Variants in NELL1 observed in about 807,000 individuals in gnomAD.
NELL1 encodes protein kinase C-binding protein NELL1.
A neutral mutation model predicts 107.4 loss-of-function variants in NELL1; 76 were observed. The observed-to-expected ratio is 0.71, with a 90% CI of 0.59 to 0.86. NELL1 has a LOEUF of 0.86. Ranked by LOEUF, NELL1 falls within the 40% of genes least tolerant of loss-of-function variation. NELL1 has a pLI of 0.00. For synonymous variants in NELL1, 353 were observed against 341.2 expected (o/e 1.03, Z -0.38); for missense variants, 1,024 against 1,005.5 (o/e 1.02, Z -0.25).
chr11:21,197,771 C>A (rs934836325), intron 13 of NELL1, among the ~76,000 whole-genome samples: 6 of 152,142 alleles, frequency 3.9e-5, no homozygotes, highest in Non-Finnish European at 7.3e-5. Context: ...GAGGAACAAA[C>A]AGAGAGTCTT....
Position 21,575,377 on chromosome 11 carries a change from T to C in NELL1, c.*355T>C. 5.3e-6 allele frequency: 1 copy of C among 187,216 alleles called. No individual in the cohort carries two copies. The highest frequency in any genetic ancestry group is 5.7e-5 in the Admixed American group (1 of 17,484). 11.6% of individuals were successfully genotyped at this position (187,216 alleles called of 1,614,324 possible). ...TTTTGGTTTATTTTGTGTACTAACA[T>C]AATAGAGAGAGACTCAGCTCCTTTT... On this transcript the variant is annotated 3_prime_UTR_variant, in exon 20 of 20. Transcript: ENST00000357134.
At position 20,695,024 on chromosome 11, in the gene NELL1, G is replaced by C. The variant is rs942246888; in HGVS notation, c.184+16964G>C. 2.0e-5 allele frequency among the ~76,000 whole-genome samples: 3 copies of C among 151,940 alleles called. No individual in the cohort carries two copies. The East Asian group carries it at 5.8e-4, about 29-fold the overall frequency. ...AGCTTTCACCTCCATTGTTAGGTGT[G>C]TTTCTAGGTATTTTATTTTTTTGTG... On this transcript the variant is annotated intron_variant, in intron 2 of 19. Coordinates refer to ENST00000357134, the MANE Select transcript of NELL1 (RefSeq NM_006157.5).
intron 15 of NELL1, among the ~76,000 whole-genome samples, chr11:21,455,648 T>TTTTG (rs1853709367): frequency 6.6e-6 from 1 of 152,134 alleles, no homozygotes; most frequent in Non-Finnish European, 1.5e-5. Flanking sequence ...TTTGAGATTA[T>TTTTG]TTTGTTAATC....
chr11:20,976,818 C>T (rs1193427938), intron 12 of NELL1, among the ~76,000 whole-genome samples: 1 of 152,098 alleles, frequency 6.6e-6, no homozygotes, highest in Non-Finnish European at 1.5e-5. Flanking sequence ...CTAAAAATCT[C>T]TGTATATTTA....
intron 12 of NELL1, among the ~76,000 whole-genome samples, chr11:21,042,981 T>C (rs1853272006): frequency 1.3e-5 from 2 of 152,128 alleles, no homozygotes; most frequent in South Asian, 2.1e-4. Flanking sequence ...CAATTGCAGA[T>C]CTGTACATTG....
intron 3 of NELL1, among the ~76,000 whole-genome samples, chr11:20,792,699 T>G (rs957002970): frequency 6.6e-6 from 1 of 152,010 alleles, no homozygotes; most frequent in Non-Finnish European, 1.5e-5. Flanking sequence ...TCTGAAATCC[T>G]TGAATAAACT....
chr11:21,129,190 G>A (rs1855558118), intron 13 of NELL1, among the ~76,000 whole-genome samples: 1 of 151,968 alleles, frequency 6.6e-6, no homozygotes, highest in African/African-American at 2.4e-5. Context: ...TGTTATTTAT[G>A]GGTGAATCTA....
chr11:21,313,813 C>T (rs1481554114), intron 14 of NELL1, among the ~76,000 whole-genome samples: 1 of 152,072 alleles, frequency 6.6e-6, no homozygotes, highest in Non-Finnish European at 1.5e-5. Flanking sequence ...ATATATTCCC[C>T]TCCAAATCTC....
intron 3 of NELL1, among the ~76,000 whole-genome samples, chr11:20,797,438 C>T (rs577886001): frequency 1.3e-4 from 20 of 151,786 alleles, no homozygotes; most frequent in African/African-American, 4.1e-4. Context: ...TGGTGGCGGG[C>T]GCCTGTAGTC....
intron 14 of NELL1, among the ~76,000 whole-genome samples, chr11:21,320,954 T>A (rs777637192): frequency 6.6e-6 from 1 of 152,220 alleles, no homozygotes; most frequent in Non-Finnish European, 1.5e-5. Flanking sequence ...ATTGCACATT[T>A]CCATATGCAA....
At chr11:20,700,129 A>C (rs1029407417) in intron 2 of NELL1, among the ~76,000 whole-genome samples, 61 of 145,688 alleles carry the variant, frequency 4.2e-4, no homozygotes, top group African/African-American at 1.4e-3. Context: ...TTTTAGAAAA[A>C]ACAAAAACAA....
intron 14 of NELL1, among the ~76,000 whole-genome samples, chr11:21,329,356 A>G (rs1437654401): frequency 2.0e-5 from 3 of 152,084 alleles, no homozygotes; most frequent in African/African-American, 7.2e-5. Context: ...CCCTTCCACC[A>G]TGGTTGTAAG....
chr11:21,487,748 A>G (rs892588554), intron 15 of NELL1, among the ~76,000 whole-genome samples: 8 of 152,190 alleles, frequency 5.3e-5, no homozygotes, highest in African/African-American at 1.9e-4. Context: ...ATGGATTTTA[A>G]AAAGCTATAA....
At chr11:21,354,025 T>C (rs934804152) in intron 14 of NELL1, among the ~76,000 whole-genome samples, 2 of 152,210 alleles carry the variant, frequency 1.3e-5, no homozygotes, top group African/African-American at 4.8e-5. Flanking sequence ...GCTGGACCTG[T>C]GGTTACATTA....
chr11:21,268,713 C>T (rs1003138670), intron 14 of NELL1, among the ~76,000 whole-genome samples: 4 of 152,136 alleles, frequency 2.6e-5, no homozygotes, highest in Non-Finnish European at 4.4e-5. Context: ...TTATTACAGT[C>T]CCTTTTACAT....
intron 14 of NELL1, among the ~76,000 whole-genome samples, chr11:21,345,327 C>T (rs1477452063): frequency 6.6e-6 from 1 of 152,210 alleles, no homozygotes. Context: ...CAATGTCACA[C>T]ACAAAATGAG....
chr11:20,786,350 CAA>C (rs112874692), intron 3 of NELL1, among the ~76,000 whole-genome samples: 1 of 125,392 alleles, frequency 8.0e-6, no homozygotes, highest in Non-Finnish European at 1.7e-5. Flanking sequence ...AACCCCATCT[CAA>C]AAAAAAAAAG....
At chr11:20,862,580 G>T (rs1848997387) in intron 4 of NELL1, among the ~76,000 whole-genome samples, 1 of 139,222 alleles carries the variant, frequency 7.2e-6, no homozygotes, top group Non-Finnish European at 1.5e-5. Flanking sequence ...TAGTTTCACT[G>T]CCCTAAAAAT....
chr11:21,366,716 A>T (rs980111934), intron 14 of NELL1, among the ~76,000 whole-genome samples: 1 of 152,098 alleles, frequency 6.6e-6, no homozygotes, highest in Non-Finnish European at 1.5e-5. Flanking sequence ...AATTAGCTTC[A>T]GGAAAATGCT....
Sources: allele counts gnomAD v4.1 joint callset (sites outside exome capture counted in the v4.1 genomes callset), GRCh38; gene constraint gnomAD v4.1.1; transcripts MANE v1.5; gene names NCBI Gene and HGNC (gene_info 2026-07-23, HGNC 2026-07-21).